The following CFAP47 variants were observed in gnomAD, a reference collection of about 807,000 sequenced individuals.
The protein encoded by CFAP47 is cilia- and flagella-associated protein 47.
CFAP47 carries 29 observed loss-of-function variants against 148.1 expected under a neutral mutation model. That is an observed-to-expected ratio of 0.20 (90% CI 0.15 to 0.27). The LOEUF (loss-of-function observed/expected upper bound fraction) is 0.27. CFAP47 is among the 10% of genes least tolerant of loss of function. The probability of loss-of-function intolerance (pLI) is 1.00; values close to 1 mark genes in which losing one functional copy is unlikely to be tolerated. For missense variants in CFAP47, 1,872 were observed against 1,697.5 expected (o/e 1.10, Z -1.81); for synonymous variants, 664 against 577.3 (o/e 1.15, Z -2.15).
At position 36,146,589 on chromosome X, in the gene CFAP47, TTTTA is replaced by T. The variant is rs772316523; in HGVS notation, c.5670+1241_5670+1244del. On this transcript the variant is annotated intron_variant, in intron 36 of 63. Coordinates refer to ENST00000378653, the MANE Select transcript of CFAP47 (RefSeq NM_001304548.2). ...AATTACAACAAGCTTTGATTTTAAC[TTTTA>T]TTTAAGAAAATTAGTGATTTGGAAA... is the stretch of plus-strand genomic sequence containing the variant. Among the ~76,000 whole-genome samples the T allele has an allele frequency of 2.9e-3, 320 of 111,173 alleles. 5 individuals carry two copies. Among genetic ancestry groups the T allele is most frequent in the African/African-American group, 0.01 (309 of 30,664 alleles).
chrX:35,921,762 TA>T (rs1684624366), intron 1 of CFAP47, among the ~76,000 whole-genome samples: 1 of 109,550 alleles, frequency 9.1e-6, no homozygotes, highest in Non-Finnish European at 1.9e-5. Context: ...ATTAGATAAA[TA>T]GTGAAAAGTG....
Position 36,230,951 on chromosome X carries a change from T to A in CFAP47, c.7014+2127T>A, listed in dbSNP as rs1346130371. Among the ~76,000 whole-genome samples the A allele has an allele frequency of 5.8e-5, 6 of 104,296 alleles. No homozygotes were observed. In the East Asian group the frequency reaches 1.8e-3, roughly 31 times the overall value. The allele number at this position is 104,296 out of a possible 115,157, so 90.6% of individuals were successfully genotyped here. ...TGCGACGTTATTTCTGAGGGCTCTG[T>A]TCTGTTCCATTGATCAATATCTCTG... On this transcript the variant is annotated intron_variant, in intron 46 of 63. Coordinates refer to ENST00000378653, the MANE Select transcript of CFAP47 (RefSeq NM_001304548.2).
intron 10 of CFAP47, among the ~76,000 whole-genome samples, chrX:35,968,278 A>G (rs140652973): frequency 0.023 from 2,524 of 110,980 alleles, 82 homozygotes; most frequent in African/African-American, 0.079. Flanking sequence ...CCTCATCATC[A>G]TCATCTTTGT....
chrX:35,948,530 G>A, intron 4 of CFAP47, 78 bp downstream of exon 4: 1 of 799,601 alleles, frequency 1.3e-6, no homozygotes, highest in South Asian at 2.6e-5. Flanking sequence ...ATGTGACTTT[G>A]ATTGTATGTT....
intron 45 of CFAP47, among the ~76,000 whole-genome samples, chrX:36,222,989 G>T (rs1475837824): frequency 3.6e-5 from 4 of 110,828 alleles, no homozygotes; most frequent in African/African-American, 1.3e-4. Context: ...TACTCTTGAT[G>T]CTGTACTCAG....
rs181605631 is a variant in CFAP47, at chrX:35,950,983, C to T, written c.657-148C>T. 7.9e-5 allele frequency: 35 copies of T among 445,469 alleles called. No homozygotes were observed. The East Asian group carries it at 1.0e-3, about 13-fold the overall frequency. The allele number at this position is 445,469 out of a possible 1,213,427, so 36.7% of individuals were successfully genotyped here. A position where few individuals can be genotyped will look rare whatever the true frequency, so the allele number is the denominator to read the frequency against. On this transcript the variant is annotated intron_variant, in intron 4 of 63. Transcript: ENST00000378653. ...AGAACCTGATAACCTCTGGTATGTA[C>T]GTGAAAGGAACTACTCTTAGGCTAC...
intron 22 of CFAP47, among the ~76,000 whole-genome samples, chrX:36,019,356 T>G (rs1937132858): frequency 8.9e-6 from 1 of 112,008 alleles, no homozygotes; most frequent in Admixed American, 9.5e-5. Flanking sequence ...AAACACGATT[T>G]GCAGGTAATA....
chrX:36,306,796 A>T lies in CFAP47; in HGVS notation c.8107A>T (p.Thr2703Ser), dbSNP rs1982908027. ...SQLIISPHST[T>S]ELPVLFYPSA... Reference sequence around the variant, plus strand: ...GCTGATCATATCTCCTCACTCCACCACAGAATTACCTGTTCTCTTTTATCC... The same window carrying T: ...GCTGATCATATCTCCTCACTCCACCTCAGAATTACCTGTTCTCTTTTATCC... The change falls in exon 55 of 64, where the codon ACA (threonine) becomes TCA (serine). Residue 2703 changes from threonine (T) to serine (S), a missense_variant. By Grantham distance (58) the Thr-to-Ser change is moderately conservative. Coordinates refer to ENST00000378653, the MANE Select transcript of CFAP47 (RefSeq NM_001304548.2). 1 of 1,159,449 alleles carries T rather than the reference A, an allele frequency of 8.6e-7. No individual in the cohort carries two copies. Among genetic ancestry groups the T allele is most frequent in the Non-Finnish European group, 1.2e-6 (1 of 867,248 alleles).
chrX:35,989,768 G>T, intron 16 of CFAP47: 1 of 304,129 alleles, frequency 3.3e-6, no homozygotes, highest in Non-Finnish European at 5.5e-6. Context: ...TTAAATTCAT[G>T]ACTCAATCAC....
chrX:35,968,997 A>T (rs998094211), intron 10 of CFAP47, among the ~76,000 whole-genome samples: 3 of 109,971 alleles, frequency 2.7e-5, no homozygotes, highest in African/African-American at 9.9e-5. Context: ...CTACATATGT[A>T]TATATGTATA....
At chrX:36,104,868 C>A (rs1042178397) in intron 33 of CFAP47, among the ~76,000 whole-genome samples, 177 bp downstream of exon 33, 3 of 111,697 alleles carry the variant, frequency 2.7e-5, no homozygotes, top group Non-Finnish European at 5.7e-5. Flanking sequence ...TGTTTCCTCA[C>A]ATATAAAATG....
chrX:36,149,252 C>A, intron 37 of CFAP47, 29 bp downstream of exon 37: 1 of 288,291 alleles, frequency 3.5e-6, no homozygotes, highest in South Asian at 2.1e-4. Flanking sequence ...TTTACATTAT[C>A]AGACATATCA....
At chrX:36,179,307 CA>C (rs1223305414) in intron 39 of CFAP47, 37 bp from the exon 40 acceptor site, 1 of 292,530 alleles carries the variant, frequency 3.4e-6, no homozygotes, top group African/African-American at 2.8e-5. Context: ...AATTTTGTTG[CA>C]ATCAATTAAA....
chrX:36,256,571 A>G (rs1049121340), intron 49 of CFAP47, among the ~76,000 whole-genome samples: 8 of 111,856 alleles, frequency 7.2e-5, no homozygotes, highest in African/African-American at 2.6e-4. Context: ...TGAAGACGTC[A>G]TCAATCAGCT....
chrX:36,169,303 T>A (rs890578829), intron 39 of CFAP47, among the ~76,000 whole-genome samples: 7 of 111,223 alleles, frequency 6.3e-5, no homozygotes, highest in Non-Finnish European at 1.1e-4. Flanking sequence ...ATGGGGAAAT[T>A]AATGTTTTTC....
intron 22 of CFAP47, among the ~76,000 whole-genome samples, chrX:36,023,643 C>T (rs1937184592): frequency 1.8e-5 from 2 of 112,429 alleles, no homozygotes; most frequent in African/African-American, 6.5e-5. Flanking sequence ...TTCTATTATA[C>T]TGCAGCTGAG....
intron 26 of CFAP47, among the ~76,000 whole-genome samples, chrX:36,058,161 C>T (rs1420465646): frequency 9.0e-6 from 1 of 111,713 alleles, no homozygotes; most frequent in African/African-American, 3.2e-5. Context: ...TGATCTCATT[C>T]TTTTCAATTC....
At chrX:36,270,587 G>A (rs1460205364) in intron 49 of CFAP47, among the ~76,000 whole-genome samples, 1 of 99,213 alleles carries the variant, frequency 1.0e-5, no homozygotes, top group Non-Finnish European at 2.0e-5. Flanking sequence ...ACATGTATTT[G>A]ATAAAGGATT....
At chrX:36,096,726 A>G (rs1055233834) in intron 30 of CFAP47, among the ~76,000 whole-genome samples, 1 of 109,437 alleles carries the variant, frequency 9.1e-6, no homozygotes, top group Non-Finnish European at 1.9e-5. Flanking sequence ...TGTTCAGTCT[A>G]TGTGCATCTT....
Sources: gnomAD v4.1 joint callset for allele counts (sites outside exome capture counted in the v4.1 genomes callset) on GRCh38, gnomAD v4.1.1 for gene constraint, MANE v1.5 for transcripts, NCBI Gene and HGNC (gene_info 2026-07-23, HGNC 2026-07-21) for gene names.